Variants in SEMA3E observed in about 807,000 individuals in gnomAD.
SEMA3E encodes semaphorin-3E.
Under a neutral mutation model 93.6 loss-of-function variants are expected in SEMA3E, and 49 were observed. That is an observed-to-expected ratio of 0.52 (90% CI 0.42 to 0.66). The LOEUF (loss-of-function observed/expected upper bound fraction) is 0.66, where lower values mean the gene tolerates loss of function less well. Among genes scored for constraint, SEMA3E ranks in the 30% least tolerant of loss-of-function variants. SEMA3E has a pLI of 0.00. For synonymous variants in SEMA3E, 363 were observed against 330.7 expected (o/e 1.10, Z -1.06); for missense variants, 906 against 964.8 (o/e 0.94, Z 0.81).
At chr7:83,428,738 G>A (rs74838044) in intron 4 of SEMA3E, among the ~76,000 whole-genome samples, 3 of 151,960 alleles carry the variant, frequency 2.0e-5, no homozygotes, top group African/African-American at 4.8e-5. Flanking sequence ...TTTTAATTGC[G>A]TTTTAACATT....
At chr7:83,646,641 C>T (rs1020779587) in intron 1 of SEMA3E, among the ~76,000 whole-genome samples, 2 of 152,030 alleles carry the variant, frequency 1.3e-5, no homozygotes, top group Non-Finnish European at 2.9e-5. Context: ...GTTTTACTCT[C>T]ACACCATATG....
intron 1 of SEMA3E, among the ~76,000 whole-genome samples, chr7:83,613,294 A>C (rs1273880919): frequency 6.6e-6 from 1 of 152,072 alleles, no homozygotes; most frequent in Non-Finnish European, 1.5e-5. Context: ...TACAGAAAAG[A>C]AAATCTAAAA....
chr7:83,565,995 CTTTTTT>C (rs750248438), intron 1 of SEMA3E, among the ~76,000 whole-genome samples: 1 of 112,738 alleles, frequency 8.9e-6, no homozygotes, highest in South Asian at 3.1e-4. Flanking sequence ...TGTTTCCACT[CTTTTTT>C]TTTTTTTTTT....
chr7:83,639,108 CTCAAAAAAAAAAA>C (rs1793940981), intron 1 of SEMA3E, among the ~76,000 whole-genome samples: 1 of 33,656 alleles, frequency 3.0e-5, no homozygotes, highest in African/African-American at 7.7e-5. Flanking sequence ...GAGACTCCGT[CTCAAAAAAAAAAA>C]AAAAAAAAAA....
chr7:83,642,834 AGTTTT>A (rs1257270639), intron 1 of SEMA3E, among the ~76,000 whole-genome samples: 3 of 152,036 alleles, frequency 2.0e-5, no homozygotes, highest in Admixed American at 6.6e-5. Context: ...ATTTTAGTTT[AGTTTT>A]GTTTTTAACT....
At chr7:83,574,476 G>A (rs202111991) in intron 1 of SEMA3E, among the ~76,000 whole-genome samples, 3 of 53,022 alleles carry the variant, frequency 5.7e-5, no homozygotes, top group Non-Finnish European at 9.9e-5. Context: ...AAAAAAGAGA[G>A]AGAGAGACTA....
At chr7:83,599,191 C>A (rs1022539256) in intron 1 of SEMA3E, among the ~76,000 whole-genome samples, 1 of 152,108 alleles carries the variant, frequency 6.6e-6, no homozygotes, top group Non-Finnish European at 1.5e-5. Flanking sequence ...GATGTCATTG[C>A]AAGTCACTAG....
chr7:83,456,852 G>T (rs2115840560), intron 4 of SEMA3E, among the ~76,000 whole-genome samples: 1 of 152,130 alleles, frequency 6.6e-6, no homozygotes, highest in South Asian at 2.1e-4. Flanking sequence ...GACCTCAGGT[G>T]ATCTGTCAGC....
intron 4 of SEMA3E, among the ~76,000 whole-genome samples, chr7:83,437,521 TTTC>T (rs1280806160): frequency 3.3e-5 from 5 of 152,074 alleles, no homozygotes; most frequent in South Asian, 2.1e-4. Context: ...AAAGGCTTTC[TTTC>T]TTATTTTAAA....
At chr7:83,568,279 C>T (rs1244492029) in intron 1 of SEMA3E, among the ~76,000 whole-genome samples, 5 of 152,122 alleles carry the variant, frequency 3.3e-5, no homozygotes, top group Admixed American at 2.6e-4. Context: ...AATGGCTCCA[C>T]TGCCAAATTC....
intron 4 of SEMA3E, among the ~76,000 whole-genome samples, chr7:83,421,470 T>A (rs1316606290): frequency 7.1e-6 from 1 of 141,180 alleles, no homozygotes; most frequent in African/African-American, 2.5e-5. Flanking sequence ...CCATTAAGTA[T>A]ACTACAAGTG....
In SEMA3E at chr7:83,630,753, G is replaced by A. The variant is rs117427780; in HGVS notation, c.115+17675C>T. 1.7e-3 allele frequency among the ~76,000 whole-genome samples: 260 copies of A among 152,182 alleles called. 5 individuals carry two copies. Among genetic ancestry groups the A allele is most frequent in the East Asian group, 0.015 (80 of 5,180 alleles). On this transcript the variant is annotated intron_variant, in intron 1 of 16. Coordinates refer to ENST00000643230, the MANE Select transcript of SEMA3E (RefSeq NM_012431.3). ...TACTCAAAATTCCAAGACAGTATAAGCAGCTCATAAACTGGTAATGTAGGA... is the reference window on the plus strand; with the variant it reads ...TACTCAAAATTCCAAGACAGTATAAACAGCTCATAAACTGGTAATGTAGGA...
intron 2 of SEMA3E, among the ~76,000 whole-genome samples, chr7:83,479,955 T>G (rs535796138): frequency 6.6e-6 from 1 of 152,256 alleles, no homozygotes; most frequent in East Asian, 1.9e-4. Context: ...TTGGTAAATA[T>G]AAATAAATAT....
In SEMA3E at chr7:83,648,662, A is replaced by T. The variant is rs900735022; in HGVS notation, c.-120T>A. The T allele has an allele frequency of 6.6e-6, 5 of 761,610 alleles. No individual in the cohort carries two copies. Among genetic ancestry groups the T allele is most frequent in the Non-Finnish European group, 9.4e-6 (4 of 427,528 alleles). The allele number at this position is 761,610 out of a possible 1,614,324, so 47.2% of individuals were successfully genotyped here. The stretch of plus-strand genomic sequence containing the variant: ...TTTGTCAGAAATCGAACGCGTTGTC[A>T]TCAGAAAGCACAGTTCCGAAGTGCC... On this transcript the variant is annotated 5_prime_UTR_variant, in exon 1 of 17. The change abolishes an upstream ATG in the 5' untranslated region. Coordinates refer to ENST00000643230, the MANE Select transcript of SEMA3E (RefSeq NM_012431.3).
chr7:83,648,383 CTTTTTTT>C, intron 1 of SEMA3E, 38 bp downstream of exon 1: 1 of 1,159,114 alleles, frequency 8.6e-7, no homozygotes, highest in Non-Finnish European at 1.2e-6. Context: ...TTTTCTTTTT[CTTTTTTT>C]TTTTTTTTAA....
At chr7:83,641,141 G>T (rs566646169) in intron 1 of SEMA3E, among the ~76,000 whole-genome samples, 1 of 152,296 alleles carries the variant, frequency 6.6e-6, no homozygotes, top group African/African-American at 2.4e-5. Context: ...CATATGTTAT[G>T]CTAAAGGGGC....
chr7:83,486,935 G>C (rs971557159), intron 2 of SEMA3E, among the ~76,000 whole-genome samples: 1 of 152,072 alleles, frequency 6.6e-6, no homozygotes, highest in Admixed American at 6.6e-5. Context: ...ACTCAAATAG[G>C]TTTTATAGCT....
At chr7:83,431,477 C>G (rs1007695799) in intron 4 of SEMA3E, among the ~76,000 whole-genome samples, 17 of 152,128 alleles carry the variant, frequency 1.1e-4, no homozygotes, top group African/African-American at 4.1e-4. Context: ...ACAATCTCAG[C>G]TTACTACAAC....
intron 4 of SEMA3E, among the ~76,000 whole-genome samples, chr7:83,444,930 CA>C (rs778823208): frequency 1.4e-3 from 207 of 152,248 alleles, no homozygotes; most frequent in Non-Finnish European, 2.3e-3. Context: ...TTTGGCCTCC[CA>C]AAGTGCTGGG....
Sources: allele counts gnomAD v4.1 joint callset (sites outside exome capture counted in the v4.1 genomes callset), GRCh38; gene constraint gnomAD v4.1.1; transcripts MANE v1.5; gene names NCBI Gene and HGNC (gene_info 2026-07-23, HGNC 2026-07-21).